MSH5: variants seen among roughly 807,000 people sequenced by gnomAD.
MSH5 encodes the protein mutS protein homolog 5.
In MSH5, 78 loss-of-function variants were observed where a neutral mutation model predicts 107.7. The ratio of observed to expected loss-of-function variants is 0.72; its 90% CI spans 0.60 to 0.87. The LOEUF (loss-of-function observed/expected upper bound fraction) is 0.87. Among genes scored for constraint, MSH5 ranks in the 40% least tolerant of loss-of-function variants. The pLI, the probability that MSH5 is intolerant of heterozygous loss-of-function variation, is 0.00. For synonymous variants in MSH5, 326 were observed against 399.5 expected, an observed-to-expected ratio of 0.82 and a Z score of 2.19; for missense variants, 889 against 1,046.6, an observed-to-expected ratio of 0.85 and a Z score of 2.08.
chr6:31,751,259 G>A (rs1272954748), intron 10 of MSH5, among the ~76,000 whole-genome samples: 2 of 152,196 alleles, frequency 1.3e-5, no homozygotes, highest in Non-Finnish European at 2.9e-5. Context: ...GCCTGCCAAA[G>A]TGCTGGGATT....
Position 31,760,310 on chromosome 6 carries a change from C to T in MSH5, c.1812+94C>T. 1.4e-6 allele frequency: 2 copies of T among 1,473,482 alleles called. No homozygotes were observed. Among genetic ancestry groups the T allele is most frequent in the Non-Finnish European group, 1.8e-6 (2 of 1,104,134 alleles). 91.3% of individuals were successfully genotyped at this position (1,473,482 alleles called of 1,614,324 possible). ...AACTCAGGCTCCTGCAGCTCTTCTC[C>T]CATTTTCTGACCCCGCTCTTCATGA... is the stretch of plus-strand genomic sequence containing the variant. On this transcript the variant is annotated intron_variant, in intron 19 of 24. Transcript: ENST00000375750. This position sits in a 1 kb window ranked among gnomAD's most constrained non-coding sequence, Gnocchi z 5.6.
Position 31,759,998 on chromosome 6 carries a change from G to A in MSH5, c.1685+23G>A. 3 of 1,613,250 alleles carry A rather than the reference G, an allele frequency of 1.9e-6. No individual in the cohort carries two copies. Among genetic ancestry groups the A allele is most frequent in the East Asian group, 4.5e-5 (2 of 44,890 alleles). ...CAGGTAAGAATAGAGGCGGGTGGAG[G>A]AATAGACATGAGGGGCCCAAAGGCT... On this transcript the variant is annotated intron_variant, in intron 18 of 24. Coordinates refer to ENST00000375750, the MANE Select transcript of MSH5 (RefSeq NM_172166.4). This position sits in a 1 kb window ranked among gnomAD's most constrained non-coding sequence, Gnocchi z 4.7.
At position 31,745,321 on chromosome 6, in the gene MSH5, TA is replaced by T; in HGVS notation, c.766+3del. 1 of 1,605,496 alleles carries T rather than the reference TA, an allele frequency of 6.2e-7. No individual in the cohort carries two copies. Among genetic ancestry groups the T allele is most frequent in the Non-Finnish European group, 8.5e-7 (1 of 1,172,378 alleles). On this transcript the variant is annotated splice_donor_region_variant and intron_variant, in intron 9 of 24. Coordinates refer to ENST00000375750, the MANE Select transcript of MSH5 (RefSeq NM_172166.4). ...TGAAGGAGGGGCTCAGCCTCTTTGGTAGGTGTGCCCCATCCCTCATCTCACA... is the reference window on the plus strand; with the variant it reads ...TGAAGGAGGGGCTCAGCCTCTTTGGTGGTGTGCCCCATCCCTCATCTCACA...
At chr6:31,757,905 G>A in intron 12 of MSH5, 1 of 522,400 alleles carries the variant, frequency 1.9e-6, no homozygotes, top group Non-Finnish European at 3.4e-6. Context: ...CCTGACCTCA[G>A]GTGATCTACC....
At chr6:31,744,166 A>C in intron 6 of MSH5, 24 bp from the exon 7 acceptor site, 1 of 1,602,212 alleles carries the variant, frequency 6.2e-7, no homozygotes, top group Non-Finnish European at 8.5e-7. Flanking sequence ...ATTTACCCCG[A>C]TTCCACTGCT....
chr6:31,752,462 C>A (rs1348480563), intron 10 of MSH5, among the ~76,000 whole-genome samples: 2 of 152,034 alleles, frequency 1.3e-5, no homozygotes, highest in East Asian at 3.9e-4. Context: ...GTGACTCACG[C>A]CTGTAATCCC....
intron 8 of MSH5, 52 bp downstream of exon 8, chr6:31,744,633 T>G: frequency 6.3e-7 from 1 of 1,582,322 alleles, no homozygotes; most frequent in Non-Finnish European, 8.7e-7. Context: ...AGGATTAAGT[T>G]TAATGCCCCA....
chr6:31,753,328 C>T lies in MSH5; in HGVS notation c.840C>T (p.Asp280=). The T allele has an allele frequency of 6.2e-7, 1 of 1,613,880 alleles. No homozygotes were observed. ...TATGGTTCACACGTCCGACTCATGACCTGGGGGAGCTCAGTTCTCGTCTGG... is the reference window on the plus strand; with the variant it reads ...TATGGTTCACACGTCCGACTCATGATCTGGGGGAGCTCAGTTCTCGTCTGG... ...LRLWFTRPTH[D]LGELSSRLDV... Residue 280 remains aspartate (D), a synonymous_variant, in exon 11 of 25, where the codon GAC becomes GAT. Transcript: ENST00000375750.
Position 31,740,452 on chromosome 6 carries a change from A to C in MSH5, c.-13-2A>C. ...AACCGCCCTCACTTTTTGCATCCGC[A>C]GAGCCTCCAAGCTCATGGCCTCCTT... is the stretch of plus-strand genomic sequence containing the variant. On this transcript the variant is annotated splice_acceptor_variant, in intron 1 of 24. Coordinates refer to ENST00000375750, the MANE Select transcript of MSH5 (RefSeq NM_172166.4). LOFTEE classifies it low-confidence loss of function (5UTR_SPLICE). The surrounding 1 kb of genome is among the most constrained non-coding windows in gnomAD (Gnocchi z 4.4). The C allele has an allele frequency of 5.8e-6, 9 of 1,554,322 alleles. No individual in the cohort carries two copies. The highest frequency in any genetic ancestry group is 7.0e-6 in the Non-Finnish European group (8 of 1,148,826).
intron 23 of MSH5, 76 bp downstream of exon 23, chr6:31,762,031 A>T: frequency 1.2e-6 from 2 of 1,612,252 alleles, no homozygotes; most frequent in Non-Finnish European, 1.7e-6. Context: ...GCCTGGGTCT[A>T]GGTCCACAGG....
chr6:31,743,916 G>A lies in MSH5; in HGVS notation c.428G>A (p.Ser143Asn). The A allele has an allele frequency of 6.2e-7, 1 of 1,613,278 alleles. No homozygotes were observed. The highest frequency in any genetic ancestry group is 8.5e-7 in the Non-Finnish European group (1 of 1,179,996). ...LPSVDFGLEI[S>N]KQRLLSGNYS... The stretch of plus-strand genomic sequence containing the variant: ...CTCCCTCAAATAGGTCTGGAGATAA[G>A]CAAACAACGCCTCCTTTCTGGAAAC... Residue 143 changes from serine to asparagine, a missense_variant, in exon 6 of 25, where the codon AGC becomes AAC. Around this residue, in one of 3 missense-constraint regions of MSH5, gnomAD observed 518 missense variants for 565.0 expected, o/e 0.92. Transcript: ENST00000375750.
intron 9 of MSH5, 119 bp from the exon 10 acceptor site, chr6:31,747,268 G>T: frequency 9.3e-7 from 1 of 1,078,538 alleles, no homozygotes; most frequent in Non-Finnish European, 1.4e-6. Flanking sequence ...TGCCCTCCCA[G>T]GCCAGCTTCC....
chr6:31,758,064 G>A lies in MSH5; in HGVS notation c.1015-101G>A. ...TTTGAGATCTTCCCTCTTTGTTACT[G>A]TGATCTTCCCTACTGGTCTTTGTTC... On this transcript the variant is annotated intron_variant, in intron 12 of 24. Coordinates refer to ENST00000375750, the MANE Select transcript of MSH5 (RefSeq NM_172166.4). The surrounding 1 kb of genome is among the most constrained non-coding windows in gnomAD (Gnocchi z 5.1). The A allele has an allele frequency of 6.9e-7, 1 of 1,448,920 alleles. No individual in the cohort carries two copies. The highest frequency in any genetic ancestry group is 9.5e-7 in the Non-Finnish European group (1 of 1,048,314). The allele number at this position is 1,448,920 out of a possible 1,614,324, so 89.8% of individuals were successfully genotyped here. A position where few individuals can be genotyped will look rare whatever the true frequency, so the allele number is the denominator to read the frequency against.
Position 31,758,627 on chromosome 6 carries a change from G to T in MSH5, c.1216+7G>T, listed in dbSNP as rs766958599. ...GATCCTGAAATTGATGAGAGTGAGT[G>T]TTGGGTGTGGATGGGCCTGTGAGCC... On this transcript the variant is annotated splice_region_variant and intron_variant, in intron 14 of 24. Coordinates refer to ENST00000375750, the MANE Select transcript of MSH5 (RefSeq NM_172166.4). This position sits in a 1 kb window ranked among gnomAD's most constrained non-coding sequence, Gnocchi z 5.1. 9.3e-6 allele frequency: 15 copies of T among 1,613,970 alleles called. No homozygotes were observed. The highest frequency in any genetic ancestry group is 3.4e-6 in the Non-Finnish European group (4 of 1,179,958).
chr6:31,755,201 G>C (rs1419565478), intron 12 of MSH5, among the ~76,000 whole-genome samples: 3 of 151,966 alleles, frequency 2.0e-5, no homozygotes, highest in African/African-American at 7.3e-5. Context: ...ACCCAGGCTT[G>C]AGTGCAATGG....
intron 7 of MSH5, 102 bp from the exon 8 acceptor site, chr6:31,744,444 T>C: frequency 6.4e-7 from 1 of 1,555,998 alleles, no homozygotes; most frequent in Non-Finnish European, 8.9e-7. Flanking sequence ...CTAATGAGAC[T>C]TTGGGAAGAA....
chr6:31,752,056 G>C (rs185514252), intron 10 of MSH5, among the ~76,000 whole-genome samples: 1 of 151,908 alleles, frequency 6.6e-6, no homozygotes, highest in Non-Finnish European at 1.5e-5. Context: ...CCGAGATCCC[G>C]CCACTGTACC....
At chr6:31,745,416 C>A in intron 9 of MSH5, 97 bp downstream of exon 9, 1 of 819,874 alleles carries the variant, frequency 1.2e-6, no homozygotes, top group South Asian at 1.5e-5. Context: ...CACTTCACTC[C>A]CATTGTCAGA....
chr6:31,743,409 A>C, intron 5 of MSH5: 1 of 562,458 alleles, frequency 1.8e-6, no homozygotes, highest in Non-Finnish European at 3.1e-6. Flanking sequence ...TCCCCTGAGG[A>C]GTGGTGACAC....
Sources: gnomAD v4.1 joint callset for allele counts (sites outside exome capture counted in the v4.1 genomes callset) on GRCh38, gnomAD v4.1.1 for gene constraint, gnomAD v4.1.1 regional missense constraint, Gnocchi (gnomAD v3.1) non-coding constraint, MANE v1.5 for transcripts, NCBI Gene and HGNC (gene_info 2026-07-23, HGNC 2026-07-21) for gene names.